The following LGI2 variants were observed in gnomAD, a reference collection of about 807,000 sequenced individuals.
LGI2 encodes leucine rich repeat LGI family member 2.
A neutral mutation model predicts 52.0 loss-of-function variants in LGI2; 30 were observed. The ratio of observed to expected loss-of-function variants is 0.58; its 90% CI spans 0.43 to 0.78. LGI2 has a LOEUF of 0.78. Ranked by LOEUF, LGI2 falls within the 30% of genes least tolerant of loss-of-function variation. The pLI is 0.00. For synonymous variants in LGI2, 270 were observed against 271.8 expected (o/e 0.99, Z 0.06); for missense variants, 573 against 692.5 (o/e 0.83, Z 1.94).
At chr4:24,993,200 T>C in the LGI2 span, among the ~76,000 whole-genome samples, 4 of 152,312 alleles carry the variant, frequency 2.6e-5, no homozygotes, top group African/African-American at 9.6e-5. Context: ...TAGATATGAT[T>C]ATTGTTTTCT....
At position 25,003,391 on chromosome 4, in the gene LGI2, T is replaced by C; in HGVS notation, c.*60A>G. The C allele has an allele frequency of 8.3e-7, 1 of 1,201,128 alleles. No individual in the cohort carries two copies. Among genetic ancestry groups the C allele is most frequent in the Non-Finnish European group, 1.2e-6 (1 of 858,110 alleles). The allele number at this position is 1,201,128 out of a possible 1,614,324, so 74.4% of individuals were successfully genotyped here. A position where few individuals can be genotyped will look rare whatever the true frequency, so the allele number is the denominator to read the frequency against. ...TGGCTTTGATTTGTTTGTTGATTTT[T>C]CTTGGTCCTCTTTTGTGAGAGCTAA... is the stretch of plus-strand genomic sequence containing the variant. On this transcript the variant is annotated 3_prime_UTR_variant, in exon 8 of 8. Transcript: ENST00000382114.
At chr4:25,029,878 CG>C (rs1726266383) in intron 1 of LGI2, among the ~76,000 whole-genome samples, 1 of 152,214 alleles carries the variant, frequency 6.6e-6, no homozygotes, top group Non-Finnish European at 1.5e-5. Context: ...TTCTAGGCCA[CG>C]GGGGGCGGCC....
At chr4:25,024,436 C>T (rs760672284) in intron 4 of LGI2, among the ~76,000 whole-genome samples, 1 of 152,258 alleles carries the variant, frequency 6.6e-6, no homozygotes, top group Middle Eastern at 3.4e-3. Flanking sequence ...ATGGCTTGAA[C>T]CCAGGAGGCG....
chr4:25,030,668 C>G lies in LGI2; in HGVS notation c.26G>C (p.Gly9Ala), dbSNP rs1560297008. ...CAGCAGCAGCAGCAGCCCGAGCGCT[C>G]CGCAGCCGCCTCTCCGCAGCGCCAT... MALRRGGC[G>A]ALGLLLLLLG... The change falls in exon 1 of 8, where the codon GGA (glycine) becomes GCA (alanine). Residue 9 changes from glycine (G) to alanine (A), a missense_variant. Transcript: ENST00000382114. The G allele has an allele frequency of 6.6e-7, 1 of 1,514,690 alleles. No homozygotes were observed. The highest frequency in any genetic ancestry group is 8.8e-7 in the Non-Finnish European group (1 of 1,135,016). 93.8% of individuals were successfully genotyped at this position (1,514,690 alleles called of 1,614,324 possible).
chr4:25,026,940 C>G lies in LGI2; in HGVS notation c.270-1G>C. The stretch of plus-strand genomic sequence containing the variant: ...CGTGAATGAGTTAGAATTCAGCAAT[C>G]TGAAAGTAAGAGACAGATTCCAATG... On this transcript the variant is annotated splice_acceptor_variant, in intron 2 of 7. Transcript: ENST00000382114. LOFTEE classifies it high-confidence loss of function. 1 of 1,611,606 alleles carries G rather than the reference C, an allele frequency of 6.2e-7. No individual in the cohort carries two copies. Among genetic ancestry groups the G allele is most frequent in the Non-Finnish European group, 8.5e-7 (1 of 1,177,728 alleles).
chr4:25,024,101 G>A (rs1460767204), intron 4 of LGI2, among the ~76,000 whole-genome samples: 1 of 152,172 alleles, frequency 6.6e-6, no homozygotes, highest in African/African-American at 2.4e-5. Context: ...AGTCATCTAA[G>A]CCTTGGTTCC....
chr4:25,019,324 T>C, intron 4 of LGI2, 86 bp from the exon 5 acceptor site: 5 of 845,602 alleles, frequency 5.9e-6, no homozygotes, highest in Non-Finnish European at 9.8e-6. Context: ...TGTTGACTTA[T>C]AGCACGGCTT....
the LGI2 span, among the ~76,000 whole-genome samples, chr4:24,992,255 C>T: frequency 5.3e-5 from 8 of 152,134 alleles, no homozygotes; most frequent in Non-Finnish European, 1.2e-4. Context: ...GTAAGAGGCT[C>T]CAAAGGATTT....
At chr4:25,007,732 G>A (rs892771900) in intron 7 of LGI2, among the ~76,000 whole-genome samples, 1 of 152,126 alleles carries the variant, frequency 6.6e-6, no homozygotes, top group Non-Finnish European at 1.5e-5. Context: ...AGAGAACAAG[G>A]GGAAGTGAAC....
rs1726166934 is a variant in LGI2, at chr4:25,026,876, A to G, written c.333T>C (p.Leu111=). The G allele has an allele frequency of 1.2e-6, 2 of 1,611,788 alleles. No homozygotes were observed. The highest frequency in any genetic ancestry group is 1.7e-6 in the Non-Finnish European group (2 of 1,177,804). The part of the protein sequence containing the change: ...RDDAFAGLFH[L]EYLFIEGNKI... ...CAAAGCACAAAACTTACAGGTATTC[A>G]AGATGAAAAAGTCCAGCAAAAGCAT... Residue 111 remains leucine, a synonymous_variant, in exon 3 of 8, where the codon CTT becomes CTC. Transcript: ENST00000382114.
At position 25,001,264 on chromosome 4, in the gene LGI2, G is replaced by A. The variant is rs1240417958; in HGVS notation, c.*2187C>T. On this transcript the variant is annotated 3_prime_UTR_variant, in exon 8 of 8. Coordinates refer to ENST00000382114, the MANE Select transcript of LGI2 (RefSeq NM_018176.4). ...CTCATTTACCCTCAGAGGGGCAGCT[G>A]GGAATGTGATACCTCTCTGCAGTAG... 1 of 152,236 alleles carries A rather than the reference G, an allele frequency of 6.6e-6. No homozygotes were observed. The highest frequency in any genetic ancestry group is 1.5e-5 in the Non-Finnish European group (1 of 68,072). 9.4% of individuals were successfully genotyped at this position (152,236 alleles called of 1,614,324 possible).
chr4:24,999,156 G>A lies in LGI2; in HGVS notation c.*4295C>T, dbSNP rs1725162775. On this transcript the variant is annotated 3_prime_UTR_variant, in exon 8 of 8. Transcript: ENST00000382114. ...TGCATAGTTTCCTACTAGAAAAAAA[G>A]TAGATTTTGATACAAGCAATGGAAT... The A allele has an allele frequency of 1.3e-5, 2 of 152,168 alleles. No homozygotes were observed. The highest frequency in any genetic ancestry group is 1.3e-4 in the Admixed American group (2 of 15,274). 9.4% of individuals were successfully genotyped at this position (152,168 alleles called of 1,614,324 possible). A position where few individuals can be genotyped will look rare whatever the true frequency, so the allele number is the denominator to read the frequency against.
rs1423297910 is a variant in LGI2 at position 25,028,545 on chromosome 4, C to T, written c.231G>A (p.Lys77=). 1.2e-6 allele frequency: 2 copies of T among 1,613,498 alleles called. No homozygotes were observed. Among genetic ancestry groups the T allele is most frequent in the Non-Finnish European group, 1.7e-6 (2 of 1,179,870 alleles). ...AAGGCAGATGGGAAAACATTCGGTCCTTGATTTCTGAAAACGTCCCATTTA... is the reference window on the plus strand; with the variant it reads ...AAGGCAGATGGGAAAACATTCGGTCTTTGATTTCTGAAAACGTCCCATTTA... The part of the protein sequence containing the change: ...SLVNGTFSEI[K]DRMFSHLPSL... The change falls in exon 2 of 8, where the codon AAG becomes AAA. Residue 77 remains lysine (K), a synonymous_variant. Coordinates refer to ENST00000382114, the MANE Select transcript of LGI2 (RefSeq NM_018176.4).
chr4:24,993,836 A>C, the LGI2 span, among the ~76,000 whole-genome samples: 1 of 152,228 alleles, frequency 6.6e-6, no homozygotes, highest in Non-Finnish European at 1.5e-5. Context: ...ATGCAAATGC[A>C]TTGGCAGTAA....
chr4:25,021,597 T>C (rs1170687249), intron 4 of LGI2, among the ~76,000 whole-genome samples: 1 of 152,160 alleles, frequency 6.6e-6, no homozygotes, highest in Non-Finnish European at 1.5e-5. Flanking sequence ...TATTAAATGC[T>C]TGAATTACTA....
chr4:25,004,499 C>T lies in LGI2; in HGVS notation c.821-231G>A, dbSNP rs1469990228. On this transcript the variant is annotated intron_variant, in intron 7 of 7. Coordinates refer to ENST00000382114, the MANE Select transcript of LGI2 (RefSeq NM_018176.4). The surrounding 1 kb of genome is among the most constrained non-coding windows in gnomAD (Gnocchi z 4.6). ...GCAGTGACTCAAAGAGATATCTGTACACCTAATGCTATAGACCAAATGTTT... is the reference window on the plus strand; with the variant it reads ...GCAGTGACTCAAAGAGATATCTGTATACCTAATGCTATAGACCAAATGTTT... Among the ~76,000 whole-genome samples, 1 of 152,162 alleles carries T rather than the reference C, an allele frequency of 6.6e-6. No individual in the cohort carries two copies. The highest frequency in any genetic ancestry group is 2.4e-5 in the African/African-American group (1 of 41,432).
intron 4 of LGI2, among the ~76,000 whole-genome samples, chr4:25,024,364 A>C (rs1236915839): frequency 1.3e-5 from 2 of 152,186 alleles, no homozygotes; most frequent in African/African-American, 4.8e-5. Context: ...AAATACAAAA[A>C]TTAGTCAGGC....
Position 25,000,051 on chromosome 4 carries a change from A to C in LGI2, c.*3400T>G. ...CCAAAATTTCTGGACCACTTTCAAGAGTGGGGCCTTGAATGTAAAAAGAGT... is the reference window on the plus strand; with the variant it reads ...CCAAAATTTCTGGACCACTTTCAAGCGTGGGGCCTTGAATGTAAAAAGAGT... On this transcript the variant is annotated 3_prime_UTR_variant, in exon 8 of 8. Transcript: ENST00000382114. The C allele has an allele frequency of 3.4e-6, 1 of 297,738 alleles. No homozygotes were observed. The highest frequency in any genetic ancestry group is 1.0e-4 in the East Asian group (1 of 9,754). The allele number at this position is 297,738 out of a possible 1,614,324, so 18.4% of individuals were successfully genotyped here.
Position 25,028,595 on chromosome 4 carries a change from A to T in LGI2, c.198-17T>A. On this transcript the variant is annotated splice_polypyrimidine_tract_variant and intron_variant, in intron 1 of 7. Transcript: ENST00000382114. Reference sequence around the variant, plus strand: ...ACCAGGCTCCTACGGGCAAAAGATGAACAAAAGTAGGCCTAGGTTTCTTTT... The same window carrying T: ...ACCAGGCTCCTACGGGCAAAAGATGTACAAAAGTAGGCCTAGGTTTCTTTT... 6 of 1,607,704 alleles carry T rather than the reference A, an allele frequency of 3.7e-6. No individual in the cohort carries two copies. Among genetic ancestry groups the T allele is most frequent in the Non-Finnish European group, 5.1e-6 (6 of 1,176,844 alleles).
Sources: allele counts gnomAD v4.1 joint callset (sites outside exome capture counted in the v4.1 genomes callset), GRCh38; gene constraint gnomAD v4.1.1; non-coding constraint Gnocchi (gnomAD v3.1); transcripts MANE v1.5; gene names NCBI Gene and HGNC (gene_info 2026-07-23, HGNC 2026-07-21).